The following DDX46 variants were observed in gnomAD, a reference collection of about 807,000 sequenced individuals.
DDX46 encodes the protein DEAD-box helicase 46.
DDX46 carries 30 observed loss-of-function variants against 134.9 expected under a neutral mutation model. The ratio of observed to expected loss-of-function variants is 0.22; its 90% CI spans 0.17 to 0.30. The LOEUF (loss-of-function observed/expected upper bound fraction) is 0.30, where lower values mean the gene tolerates loss of function less well. Among genes scored for constraint, DDX46 ranks in the 10% least tolerant of loss-of-function variants. DDX46 has a pLI of 1.00. For synonymous variants in DDX46, 415 were observed against 404.1 expected (o/e 1.03, Z -0.32); for missense variants, 622 against 1,248.7 (o/e 0.50, Z 7.56).
At chr5:134,773,249 AT>A (rs1481120296) in intron 4 of DDX46, among the ~76,000 whole-genome samples, 6 of 152,292 alleles carry the variant, frequency 3.9e-5, no homozygotes, top group African/African-American at 1.4e-4. Context: ...AAATTTCTTT[AT>A]CATGTTGATG....
In DDX46 at chr5:134,817,513, C is replaced by T. The variant is rs1345861309; in HGVS notation, c.2631C>T (p.Ala877=). ...IESQVDVMQQ[A]TNAILRGGTI... ...AACTACAGGATGTGATGCAGCAGGCCACCAATGCAATTCTTAGGGGTGGCA... is the reference window on the plus strand; with the variant it reads ...AACTACAGGATGTGATGCAGCAGGCTACCAATGCAATTCTTAGGGGTGGCA... The change falls in exon 20 of 23, where the codon GCC becomes GCT. Residue 877 remains alanine (A), a synonymous_variant. Transcript: ENST00000452510. 1 of 1,613,844 alleles carries T rather than the reference C, an allele frequency of 6.2e-7. No homozygotes were observed.
rs189971712 is a variant in DDX46 at position 134,787,157 on chromosome 5, C to G, written c.1465-1356C>G. ...CAGGCTGGTCTTGAATTCCTGGGCT[C>G]AAGCAATCTGCTTGCCTTGGCTTCC... On this transcript the variant is annotated intron_variant, in intron 11 of 22. Coordinates refer to ENST00000452510, the MANE Select transcript of DDX46 (RefSeq NM_001300860.2). Among the ~76,000 whole-genome samples the G allele has an allele frequency of 2.0e-5, 3 of 152,192 alleles. No individual in the cohort carries two copies. The East Asian group carries it at 5.8e-4, about 29-fold the overall frequency.
At chr5:134,819,044 C>A in intron 21 of DDX46, 40 bp downstream of exon 21, 1 of 1,603,504 alleles carries the variant, frequency 6.2e-7, no homozygotes, top group Non-Finnish European at 8.5e-7. Flanking sequence ...GAATTTAGAT[C>A]AAGGTTGATG....
Position 134,818,979 on chromosome 5 carries a change from G to A in DDX46, c.2952G>A (p.Glu984=). The A allele has an allele frequency of 1.2e-6, 2 of 1,613,628 alleles. No homozygotes were observed. Among genetic ancestry groups the A allele is most frequent in the Non-Finnish European group, 1.7e-6 (2 of 1,179,838 alleles). The change falls in exon 21 of 23, where the codon GAG becomes GAA. Residue 984 remains glutamate, a synonymous_variant. Coordinates refer to ENST00000452510, the MANE Select transcript of DDX46 (RefSeq NM_001300860.2). ...FPPGKEPKEG[E]RKIYLAIESA... ...CTGGCAAAGAACCCAAGGAAGGCGA[G>A]CGGAAGATTTACTTGGCAATTGAAA...
intron 2 of DDX46, 101 bp downstream of exon 2, chr5:134,764,193 C>T: frequency 1.7e-6 from 2 of 1,161,522 alleles, no homozygotes; most frequent in Non-Finnish European, 2.4e-6. Context: ...GTTTGGTGGC[C>T]CAATTGCAGG....
chr5:134,821,899 T>C (rs1409009768), intron 21 of DDX46, among the ~76,000 whole-genome samples: 2 of 150,280 alleles, frequency 1.3e-5, no homozygotes, highest in Non-Finnish European at 3.0e-5. Flanking sequence ...TTTTTTTGTT[T>C]TTTTTTTTTT....
chr5:134,827,494 C>T (rs1445906202), intron 22 of DDX46, among the ~76,000 whole-genome samples: 4 of 152,138 alleles, frequency 2.6e-5, no homozygotes, highest in Non-Finnish European at 4.4e-5. Context: ...AGGCTGGTCT[C>T]GAACTCCTGA....
At chr5:134,815,706 CAAAAAAAAAAAA>C (rs374562980) in intron 18 of DDX46, among the ~76,000 whole-genome samples, 2 of 28,698 alleles carry the variant, frequency 7.0e-5, no homozygotes, top group South Asian at 3.2e-3. Flanking sequence ...GACTCTGTCT[CAAAAAAAAAAAA>C]AAAAAAAAAA....
At chr5:134,775,800 G>A (rs1462784698) in intron 5 of DDX46, among the ~76,000 whole-genome samples, 3 of 152,062 alleles carry the variant, frequency 2.0e-5, no homozygotes, top group Non-Finnish European at 2.9e-5. Flanking sequence ...CCAAGTAGTC[G>A]TGATGTCTTA....
intron 18 of DDX46, among the ~76,000 whole-genome samples, chr5:134,812,126 G>A (rs1019245343): frequency 3.4e-5 from 5 of 147,428 alleles, no homozygotes; most frequent in Admixed American, 6.9e-5. Flanking sequence ...GTACGGTGGC[G>A]TGGTCTCCAT....
At chr5:134,813,718 C>T (rs1755210825) in intron 18 of DDX46, among the ~76,000 whole-genome samples, 2 of 152,036 alleles carry the variant, frequency 1.3e-5, no homozygotes. Flanking sequence ...GCTGCCTCAG[C>T]GATCTTCCCA....
Position 134,826,968 on chromosome 5 carries a change from A to G in DDX46, c.2999A>G (p.Gln1000Arg). ...CTAGGTGCCAATGAACTGGCTGTGC[A>G]GAAAGCAAAGGCAGAAATCACCAGG... Reference protein sequence around the residue: ...AIESANELAVQKAKAEITRLI... With the variant: ...AIESANELAVRKAKAEITRLI... The change falls in exon 22 of 23, where the codon CAG becomes CGG. Residue 1000 changes from glutamine to arginine, a missense_variant. Around this residue, in one of 8 missense-constraint regions of DDX46, gnomAD observed 76 missense variants for 213.0 expected, o/e 0.36. Transcript: ENST00000452510. The G allele has an allele frequency of 6.2e-7, 1 of 1,613,644 alleles. No homozygotes were observed. The highest frequency in any genetic ancestry group is 8.5e-7 in the Non-Finnish European group (1 of 1,179,842).
Position 134,770,386 on chromosome 5 carries a change from A to T in DDX46, c.351-517A>T, listed in dbSNP as rs528217114. On this transcript the variant is annotated intron_variant, in intron 3 of 22. Coordinates refer to ENST00000452510, the MANE Select transcript of DDX46 (RefSeq NM_001300860.2). ...CCACCATACCCAGCTAATTCTTAGT[A>T]TATTTTGGAAAGATTGGATCTTGTT... Among the ~76,000 whole-genome samples, 60 of 151,764 alleles carry T rather than the reference A, an allele frequency of 4.0e-4. 1 individual carries two copies. The South Asian group carries it at 8.7e-3, about 22-fold the overall frequency.
In DDX46 at chr5:134,770,897, T is replaced by C; in HGVS notation, c.351-6T>C. 3 of 1,569,650 alleles carry C rather than the reference T, an allele frequency of 1.9e-6. No homozygotes were observed. Among genetic ancestry groups the C allele is most frequent in the Non-Finnish European group, 2.6e-6 (3 of 1,165,882 alleles). ...ATTTCTCTTGTCTCTTTTATTTTTT[T>C]GGTAGATCTAGGTCCAAAGAGAAAA... On this transcript the variant is annotated splice_polypyrimidine_tract_variant and splice_region_variant and intron_variant, in intron 3 of 22. Transcript: ENST00000452510.
chr5:134,773,265 T>G (rs1045345557), intron 4 of DDX46, among the ~76,000 whole-genome samples: 8 of 152,206 alleles, frequency 5.3e-5, no homozygotes, highest in African/African-American at 1.9e-4. Context: ...TTGATGTCGT[T>G]TATTTTCTAA....
Position 134,816,589 on chromosome 5 carries a change from G to T in DDX46, c.2596G>T (p.Gly866Cys). 1 of 1,613,236 alleles carries T rather than the reference G, an allele frequency of 6.2e-7. No homozygotes were observed. Among genetic ancestry groups the T allele is most frequent in the South Asian group, 1.1e-5 (1 of 90,888 alleles). The change falls in exon 19 of 23, where the codon GGC becomes TGC. Residue 866 changes from glycine (G) to cysteine (C), a missense_variant. By Grantham distance (159) the Gly-to-Cys change is radical. Coordinates refer to ENST00000452510, the MANE Select transcript of DDX46 (RefSeq NM_001300860.2). ...ALRINAQKNL[G>C]IESQVDVMQQ... ...TAGAATCAATGCCCAGAAGAATTTG[G>T]GCATCGAGTCTCAGGTATTAAGTAA... is the stretch of plus-strand genomic sequence containing the variant.
intron 10 of DDX46, 105 bp from the exon 11 acceptor site, chr5:134,785,360 T>C: frequency 7.4e-7 from 1 of 1,349,992 alleles, no homozygotes; most frequent in Non-Finnish European, 9.6e-7. Flanking sequence ...AAAACAAAAA[T>C]TAGGTGAAAC....
At chr5:134,815,444 C>T (rs1348340560) in intron 18 of DDX46, among the ~76,000 whole-genome samples, 1 of 152,014 alleles carries the variant, frequency 6.6e-6, no homozygotes, top group African/African-American at 2.4e-5. Flanking sequence ...GGTGGTGGCT[C>T]ATGCCTGTAA....
chr5:134,780,273 T>C (rs1754103596), intron 6 of DDX46, among the ~76,000 whole-genome samples: 2 of 150,112 alleles, frequency 1.3e-5, no homozygotes, highest in South Asian at 4.2e-4. Context: ...ATTATTGTTA[T>C]ATATAATTGG....
Sources: gnomAD v4.1 joint callset for allele counts (sites outside exome capture counted in the v4.1 genomes callset) on GRCh38, gnomAD v4.1.1 for gene constraint, gnomAD v4.1.1 regional missense constraint, MANE v1.5 for transcripts, NCBI Gene and HGNC (gene_info 2026-07-23, HGNC 2026-07-21) for gene names.